The following EYS variants were observed in gnomAD, a reference collection of about 807,000 sequenced individuals.
EYS encodes the protein EGF-like photoreceptor maintenance factor.
In EYS, 250 loss-of-function variants were observed where a neutral mutation model predicts 282.1. That is an observed-to-expected ratio of 0.89 (90% CI 0.80 to 0.98). The LOEUF (loss-of-function observed/expected upper bound fraction) is 0.98. Among genes scored for constraint, EYS ranks in the 50% least tolerant of loss-of-function variants. The pLI is 0.00. For missense variants in EYS, 4,016 were observed against 3,709.0 expected (o/e 1.08, Z -2.15); for synonymous variants, 1,355 against 1,282.9 (o/e 1.06, Z -1.20).
intron 26 of EYS, among the ~76,000 whole-genome samples, chr6:64,496,463 T>A (rs1049600305): frequency 2.0e-5 from 3 of 151,998 alleles, no homozygotes; most frequent in African/African-American, 2.4e-5. Flanking sequence ...CTTTGCTTCA[T>A]TCCACTGATA....
chr6:65,494,327 G>A (rs1306470352), intron 4 of EYS, among the ~76,000 whole-genome samples: 2 of 151,478 alleles, frequency 1.3e-5, no homozygotes, highest in African/African-American at 4.8e-5. Flanking sequence ...GCCCAGGCCG[G>A]ACTGCAGTGG....
intron 22 of EYS, among the ~76,000 whole-genome samples, chr6:64,795,546 C>A (rs1322543501): frequency 6.6e-6 from 1 of 152,108 alleles, no homozygotes; most frequent in Non-Finnish European, 1.5e-5. Context: ...TTCTGAGGAC[C>A]AAAGTCTTGA....
chr6:64,270,242 T>C (rs375464420), intron 30 of EYS, among the ~76,000 whole-genome samples: 1 of 152,138 alleles, frequency 6.6e-6, no homozygotes, highest in Non-Finnish European at 1.5e-5. Flanking sequence ...CATTTTAGTG[T>C]AGTTGTGAAT....
At chr6:64,954,321 G>A (rs1769616620) in intron 14 of EYS, among the ~76,000 whole-genome samples, 1 of 151,488 alleles carries the variant, frequency 6.6e-6, no homozygotes, top group African/African-American at 2.4e-5. Flanking sequence ...TAGACTAACT[G>A]TAATAAACCA....
At chr6:64,163,313 C>T (rs1005958996) in intron 31 of EYS, among the ~76,000 whole-genome samples, 4 of 151,958 alleles carry the variant, frequency 2.6e-5, no homozygotes, top group Non-Finnish European at 2.9e-5. Context: ...TCAATCATTT[C>T]GTTTAGGTTG....
chr6:65,495,462 T>C lies in EYS; in HGVS notation c.-52A>G, dbSNP rs2127272088. ...ATCATAAAGAATTGCTGCAAAATGGTGTTTTAAGTATTACCGGAAATTTCC... is the reference window on the plus strand; with the variant it reads ...ATCATAAAGAATTGCTGCAAAATGGCGTTTTAAGTATTACCGGAAATTTCC... On this transcript the variant is annotated 5_prime_UTR_variant, in exon 4 of 43. Transcript: ENST00000503581. 1 of 1,582,558 alleles carries C rather than the reference T, an allele frequency of 6.3e-7. No individual in the cohort carries two copies. The highest frequency in any genetic ancestry group is 1.1e-5 in the South Asian group (1 of 90,340).
intron 35 of EYS, among the ~76,000 whole-genome samples, chr6:63,866,958 G>C (rs321502): frequency 0.6 from 90,715 of 152,028 alleles, 28,202 homozygotes; most frequent in East Asian, 0.71. Flanking sequence ...GCTATCGTCT[G>C]TGTTATACCT....
intron 12 of EYS, among the ~76,000 whole-genome samples, chr6:65,290,333 G>T (rs1365797412): frequency 6.6e-6 from 1 of 150,846 alleles, no homozygotes; most frequent in Non-Finnish European, 1.5e-5. Flanking sequence ...ACAATGATAT[G>T]CAGAAAAGTC....
At chr6:64,626,844 T>C (rs1016244715) in intron 22 of EYS, among the ~76,000 whole-genome samples, 1 of 152,214 alleles carries the variant, frequency 6.6e-6, no homozygotes, top group Non-Finnish European at 1.5e-5. Flanking sequence ...TGTTATTGCA[T>C]GTATCTGCTT....
intron 28 of EYS, among the ~76,000 whole-genome samples, chr6:64,400,020 G>C (rs1357856967): frequency 2.0e-5 from 3 of 151,916 alleles, no homozygotes; most frequent in Non-Finnish European, 4.4e-5. Context: ...CTCTAAGCTA[G>C]AGAATTGCTA....
At chr6:64,364,353 C>T (rs1045903953) in intron 29 of EYS, among the ~76,000 whole-genome samples, 5 of 151,854 alleles carry the variant, frequency 3.3e-5, no homozygotes, top group African/African-American at 4.8e-5. Context: ...TCTAAGCTGA[C>T]TTTCAACTAA....
rs776956991 is a variant in EYS at position 65,675,306 on chromosome 6, A to G, written c.-448+31829T>C. The stretch of plus-strand genomic sequence containing the variant: ...AAATTAAAATCCCCAATAAAAAGAT[A>G]CAGAGTAGCTAAACAGATTAAGATA... On this transcript the variant is annotated intron_variant, in intron 1 of 42. Coordinates refer to ENST00000503581, the MANE Select transcript of EYS (RefSeq NM_001142800.2). 3.9e-5 allele frequency among the ~76,000 whole-genome samples: 6 copies of G among 151,962 alleles called. No individual in the cohort carries two copies. The South Asian group carries it at 1.0e-3, about 26-fold the overall frequency.
chr6:64,809,539 T>C (rs1473242992), intron 22 of EYS, among the ~76,000 whole-genome samples: 1 of 151,988 alleles, frequency 6.6e-6, no homozygotes, highest in African/African-American at 2.4e-5. Flanking sequence ...GTAGTGTTAC[T>C]CACAATAGCA....
At chr6:64,240,921 A>G (rs1182494014) in intron 30 of EYS, among the ~76,000 whole-genome samples, 1 of 152,122 alleles carries the variant, frequency 6.6e-6, no homozygotes, top group Non-Finnish European at 1.5e-5. Context: ...TTTGAGATAC[A>G]TTCCATCACT....
At chr6:64,414,673 G>A (rs886507821) in intron 28 of EYS, among the ~76,000 whole-genome samples, 1 of 152,116 alleles carries the variant, frequency 6.6e-6, no homozygotes, top group Admixed American at 6.6e-5. Flanking sequence ...TATAAGAAAA[G>A]GAAAGCTCAC....
rs530657444 is a variant in EYS at position 64,107,181 on chromosome 6, G to A, written c.6425-25179C>T. Among the ~76,000 whole-genome samples the A allele has an allele frequency of 4.7e-5, 7 of 147,984 alleles. No individual in the cohort carries two copies. The East Asian group carries it at 1.4e-3, about 29-fold the overall frequency. On this transcript the variant is annotated intron_variant, in intron 31 of 42. Coordinates refer to ENST00000503581, the MANE Select transcript of EYS (RefSeq NM_001142800.2). ...TGTTATATCTGACTCTGGTTCTGAT[G>A]TTTGTACAGTCCCTTCAAACAGTGT... is the stretch of plus-strand genomic sequence containing the variant.
chr6:64,067,947 T>C (rs1179982114), intron 32 of EYS, among the ~76,000 whole-genome samples: 1 of 152,194 alleles, frequency 6.6e-6, no homozygotes, highest in African/African-American at 2.4e-5. Flanking sequence ...TGAAAAATGC[T>C]GCTATGAGCA....
chr6:65,630,208 T>A (rs1766862999), intron 2 of EYS, among the ~76,000 whole-genome samples: 1 of 152,234 alleles, frequency 6.6e-6, no homozygotes, highest in Non-Finnish European at 1.5e-5. Flanking sequence ...TGTGTCTGCT[T>A]CACTATGTAA....
chr6:64,647,390 G>C (rs1208854190), intron 22 of EYS, among the ~76,000 whole-genome samples: 1 of 152,050 alleles, frequency 6.6e-6, no homozygotes, highest in African/African-American at 2.4e-5. Context: ...TGAATTTCTA[G>C]AAGTTATTTA....
Sources: allele counts gnomAD v4.1 joint callset (sites outside exome capture counted in the v4.1 genomes callset), GRCh38; gene constraint gnomAD v4.1.1; transcripts MANE v1.5; gene names NCBI Gene and HGNC (gene_info 2026-07-23, HGNC 2026-07-21).